Variants in TIE1 observed in about 807,000 individuals in gnomAD.
The protein encoded by TIE1 is tyrosine-protein kinase receptor Tie-1.
Under a neutral mutation model 130.5 loss-of-function variants are expected in TIE1, and 89 were observed. That is an observed-to-expected ratio of 0.68 (90% confidence interval 0.57 to 0.81). The LOEUF (loss-of-function observed/expected upper bound fraction) is 0.81, where lower values mean the gene tolerates loss of function less well. Ranked by LOEUF, TIE1 falls within the 40% of genes least tolerant of loss-of-function variation. The pLI, the probability that TIE1 is intolerant of heterozygous loss-of-function variation, is 0.00. For synonymous variants in TIE1, 568 were observed against 629.4 expected (o/e 0.90, Z 1.46); for missense variants, 1,392 against 1,559.8 (o/e 0.89, Z 1.81).
rs374335348 is a variant in TIE1, at chr1:43,317,422, G to A, written c.2620+13G>A. The A allele has an allele frequency of 1.7e-5, 27 of 1,613,758 alleles. No homozygotes were observed. Among genetic ancestry groups the A allele is most frequent in the South Asian group, 1.5e-4 (14 of 91,056 alleles). On this transcript the variant is annotated intron_variant, in intron 15 of 22. Coordinates refer to ENST00000372476, the MANE Select transcript of TIE1 (RefSeq NM_005424.5). The surrounding 1 kb of genome is among the most constrained non-coding windows in gnomAD (Gnocchi z 5.1). Reference sequence around the variant, plus strand: ...AAAATGCTGAAAGGTCCACTGGGGCGACCCCTGGCCCAGCCCTGATGCTCT... The same window carrying A: ...AAAATGCTGAAAGGTCCACTGGGGCAACCCCTGGCCCAGCCCTGATGCTCT...
chr1:43,301,255 G>A (rs1646666917), intron 1 of TIE1, 126 bp downstream of exon 1: 7 of 1,011,482 alleles, frequency 6.9e-6, no homozygotes, highest in Middle Eastern at 2.1e-4. Context: ...CAGGGAGGAA[G>A]AAATGGGGAG....
In TIE1 at chr1:43,317,595, T is replaced by C; in HGVS notation, c.2652T>C (p.Phe884=). ...EYASENDHRD[F]AGELEVLCKL... ...CCTCTGAAAATGACCATCGTGACTT[T>C]GCGGGAGAACTGGAAGTTCTGTGCA... The change falls in exon 16 of 23, where the codon TTT becomes TTC. Residue 884 remains phenylalanine (F), a synonymous_variant. Transcript: ENST00000372476. The surrounding 1 kb of genome is among the most constrained non-coding windows in gnomAD (Gnocchi z 5.1). 6.2e-7 allele frequency: 1 copy of C among 1,609,110 alleles called. No individual in the cohort carries two copies. Among genetic ancestry groups the C allele is most frequent in the Non-Finnish European group, 8.5e-7 (1 of 1,176,596 alleles).
rs1423627508 is a variant in TIE1, at chr1:43,314,000, C to T, written c.2409+32C>T. 1 of 1,610,720 alleles carries T rather than the reference C, an allele frequency of 6.2e-7. No homozygotes were observed. The highest frequency in any genetic ancestry group is 8.5e-7 in the Non-Finnish European group (1 of 1,177,218). On this transcript the variant is annotated intron_variant, in intron 14 of 22. Coordinates refer to ENST00000372476, the MANE Select transcript of TIE1 (RefSeq NM_005424.5). The surrounding 1 kb of genome is among the most constrained non-coding windows in gnomAD (Gnocchi z 6.2). ...GACCCGCCCCGCCCCTGGGTGCATG[C>T]TTGCAGCCCGTGTTTATGTTTCTAC...
intron 19 of TIE1, chr1:43,320,977 G>A: frequency 2.2e-6 from 1 of 450,120 alleles, no homozygotes; most frequent in East Asian, 4.1e-5. Context: ...CTGGGAGGTT[G>A]AGGCTGCAGT....
In TIE1 at chr1:43,307,305, G is replaced by A; in HGVS notation, c.772+32G>A. 4 of 1,613,862 alleles carry A rather than the reference G, an allele frequency of 2.5e-6. No individual in the cohort carries two copies. Among genetic ancestry groups the A allele is most frequent in the Non-Finnish European group, 3.4e-6 (4 of 1,179,938 alleles). ...AGGAGGGGAGCTAGGACCCAGGCAG[G>A]AGAGGATCCCTGACTGGGAGAAGAC... On this transcript the variant is annotated intron_variant, in intron 5 of 22. Transcript: ENST00000372476. This position sits in a 1 kb window ranked among gnomAD's most constrained non-coding sequence, Gnocchi z 5.4.
chr1:43,321,527 T>C, intron 21 of TIE1, 35 bp downstream of exon 21: 3 of 1,585,710 alleles, frequency 1.9e-6, no homozygotes, highest in Non-Finnish European at 2.6e-6. Flanking sequence ...CATGATCCTA[T>C]CTCTGTGATG....
Position 43,309,235 on chromosome 1 carries a change from A to G in TIE1, c.1188+104A>G, listed in dbSNP as rs964778331. 2 of 1,510,276 alleles carry G rather than the reference A, an allele frequency of 1.3e-6. No individual in the cohort carries two copies. Among genetic ancestry groups the G allele is most frequent in the African/African-American group, 2.8e-5 (2 of 71,502 alleles). The allele number at this position is 1,510,276 out of a possible 1,614,324, so 93.6% of individuals were successfully genotyped here. On this transcript the variant is annotated intron_variant, in intron 8 of 22. Coordinates refer to ENST00000372476, the MANE Select transcript of TIE1 (RefSeq NM_005424.5). The surrounding 1 kb of genome is among the most constrained non-coding windows in gnomAD (Gnocchi z 6.3). ...TCAGAACTTTCTGCAGGGCCCACCCATTGGCCTGACCATTGCTCACATGAG... is the reference window on the plus strand; with the variant it reads ...TCAGAACTTTCTGCAGGGCCCACCCGTTGGCCTGACCATTGCTCACATGAG...
In TIE1 at chr1:43,319,282, C is replaced by T; in HGVS notation, c.2970C>T (p.Asn990=). 6.2e-7 allele frequency: 1 copy of T among 1,614,004 alleles called. No individual in the cohort carries two copies. Among genetic ancestry groups the T allele is most frequent in the Non-Finnish European group, 8.5e-7 (1 of 1,179,984 alleles). Reference sequence around the variant, plus strand: ...CCCGGAATGTGCTGGTCGGAGAGAACCTAGCCTCCAAGATTGCAGACTTCG... The same window carrying T: ...CCCGGAATGTGCTGGTCGGAGAGAATCTAGCCTCCAAGATTGCAGACTTCG... The part of the protein sequence containing the change: ...LAARNVLVGE[N]LASKIADFGL... The change falls in exon 18 of 23, where the codon AAC becomes AAT. Residue 990 remains asparagine (N), a synonymous_variant. Coordinates refer to ENST00000372476, the MANE Select transcript of TIE1 (RefSeq NM_005424.5). This position sits in a 1 kb window ranked among gnomAD's most constrained non-coding sequence, Gnocchi z 4.7.
Position 43,319,740 on chromosome 1 carries a change from G to T in TIE1, c.3107+211G>T. ...GGAAGGTGTTTCAGGAATAGGACTG[G>T]GGTAAAGGTAGTTTCGGATTATGTT... On this transcript the variant is annotated intron_variant, in intron 19 of 22. Coordinates refer to ENST00000372476, the MANE Select transcript of TIE1 (RefSeq NM_005424.5). This position sits in a 1 kb window ranked among gnomAD's most constrained non-coding sequence, Gnocchi z 4.7. 3.4e-6 allele frequency: 2 copies of T among 593,718 alleles called. No individual in the cohort carries two copies. The highest frequency in any genetic ancestry group is 5.6e-5 in the East Asian group (2 of 35,506). The allele number at this position is 593,718 out of a possible 1,614,324, so 36.8% of individuals were successfully genotyped here.
intron 1 of TIE1, among the ~76,000 whole-genome samples, chr1:43,303,064 C>A (rs1646686120): frequency 6.6e-6 from 1 of 152,152 alleles, no homozygotes; most frequent in Non-Finnish European, 1.5e-5. Flanking sequence ...ATAACATCCA[C>A]CTCCCAGGAT....
intron 1 of TIE1, among the ~76,000 whole-genome samples, chr1:43,301,637 C>T (rs1408202067): frequency 6.6e-6 from 1 of 151,256 alleles, no homozygotes; most frequent in Non-Finnish European, 1.5e-5. Flanking sequence ...TTTGGGAGGC[C>T]GAGCGGGTGG....
chr1:43,309,295 C>T lies in TIE1; in HGVS notation c.1189-93C>T. ...ATTGGTGAGGGGGCTGCCACTGGGCCTCTGTCCTGCCATCAGTCCAGACGG... is the reference window on the plus strand; with the variant it reads ...ATTGGTGAGGGGGCTGCCACTGGGCTTCTGTCCTGCCATCAGTCCAGACGG... On this transcript the variant is annotated intron_variant, in intron 8 of 22. Transcript: ENST00000372476. This position sits in a 1 kb window ranked among gnomAD's most constrained non-coding sequence, Gnocchi z 6.3. The T allele has an allele frequency of 6.6e-7, 1 of 1,519,644 alleles. No homozygotes were observed. The highest frequency in any genetic ancestry group is 8.8e-7 in the Non-Finnish European group (1 of 1,134,522). 94.1% of individuals were successfully genotyped at this position (1,519,644 alleles called of 1,614,324 possible). A position where few individuals can be genotyped will look rare whatever the true frequency, so the allele number is the denominator to read the frequency against.
Position 43,321,473 on chromosome 1 carries a change from C to G in TIE1, c.3226C>G (p.Arg1076Gly), listed in dbSNP as rs749932083. The change falls in exon 21 of 23, where the codon CGA becomes GGA. Residue 1076 changes from arginine to glycine, a missense_variant. Arg to Gly is a moderately radical substitution (Grantham distance 125). Around this residue, in one of 6 missense-constraint regions of TIE1, gnomAD observed 104 missense variants for 129.3 expected, o/e 0.80. Coordinates refer to ENST00000372476, the MANE Select transcript of TIE1 (RefSeq NM_005424.5). ...CCAGGGCTACCGCATGGAGCAGCCT[C>G]GAAACTGTGACGATGAAGTGTGAGT... ...LPQGYRMEQPRNCDDEVYELM... is the reference protein window; with the variant it reads ...LPQGYRMEQPGNCDDEVYELM... 1.2e-6 allele frequency: 2 copies of G among 1,613,336 alleles called. No homozygotes were observed. The highest frequency in any genetic ancestry group is 1.7e-6 in the Non-Finnish European group (2 of 1,179,738).
chr1:43,321,050 A>C (rs77603098), intron 19 of TIE1, among the ~76,000 whole-genome samples: 71,450 of 129,234 alleles, frequency 0.55, 21,406 homozygotes, highest in Non-Finnish European at 0.63. Context: ...AAAAAAAAAA[A>C]AAAACAAAAC....
At chr1:43,303,705 G>A (rs999458932) in intron 1 of TIE1, among the ~76,000 whole-genome samples, 10 of 151,984 alleles carry the variant, frequency 6.6e-5, no homozygotes, top group African/African-American at 2.4e-4. Flanking sequence ...CAAACCTGGA[G>A]AGCCCCCTCC....
chr1:43,314,280 C>A, intron 14 of TIE1: 1 of 911,126 alleles, frequency 1.1e-6, no homozygotes, highest in Non-Finnish European at 1.5e-6. Context: ...TGGAGATTTT[C>A]CTCTCCCCTC....
chr1:43,309,171 C>G lies in TIE1; in HGVS notation c.1188+40C>G. The stretch of plus-strand genomic sequence containing the variant: ...ACCCCAACCCACCAGCCCCTCAGGC[C>G]GCCTGCTTCACAGCTGATCCCTAAG... On this transcript the variant is annotated intron_variant, in intron 8 of 22. Coordinates refer to ENST00000372476, the MANE Select transcript of TIE1 (RefSeq NM_005424.5). The surrounding 1 kb of genome is among the most constrained non-coding windows in gnomAD (Gnocchi z 6.3). 6.4e-7 allele frequency: 1 copy of G among 1,558,304 alleles called. No individual in the cohort carries two copies. Among genetic ancestry groups the G allele is most frequent in the Non-Finnish European group, 8.7e-7 (1 of 1,149,858 alleles).
chr1:43,317,508 G>A lies in TIE1; in HGVS notation c.2621-56G>A. ...CCTCCAGCAATTGACCCCAGCCCTT[G>A]CCAGCCCTTTCTCCAGAGTTATTTC... On this transcript the variant is annotated intron_variant, in intron 15 of 22. Transcript: ENST00000372476. The surrounding 1 kb of genome is among the most constrained non-coding windows in gnomAD (Gnocchi z 5.1). 11 of 1,608,606 alleles carry A rather than the reference G, an allele frequency of 6.8e-6. No homozygotes were observed. Among genetic ancestry groups the A allele is most frequent in the Non-Finnish European group, 8.5e-6 (10 of 1,175,082 alleles).
intron 9 of TIE1, among the ~76,000 whole-genome samples, chr1:43,310,507 C>T (rs931882861): frequency 2.6e-5 from 4 of 152,234 alleles, no homozygotes; most frequent in East Asian, 3.9e-4. Flanking sequence ...CAATGTATGT[C>T]GATAATTATT....
Sources: gnomAD v4.1 joint callset for allele counts (sites outside exome capture counted in the v4.1 genomes callset) on GRCh38, gnomAD v4.1.1 for gene constraint, gnomAD v4.1.1 regional missense constraint, Gnocchi (gnomAD v3.1) non-coding constraint, MANE v1.5 for transcripts, NCBI Gene and HGNC (gene_info 2026-07-23, HGNC 2026-07-21) for gene names.